Variants in CAMSAP2 observed in about 807,000 individuals in gnomAD.
CAMSAP2 encodes calmodulin regulated spectrin associated protein family member 2, also known as calmodulin-regulated spectrin-associated protein 2.
In CAMSAP2, 26 loss-of-function variants were observed where a neutral mutation model predicts 146.1. The observed-to-expected ratio is 0.18, with a 90% confidence interval of 0.13 to 0.25. The LOEUF is 0.25. CAMSAP2 is among the 10% of genes least tolerant of loss of function. CAMSAP2 has a pLI of 1.00. For missense variants in CAMSAP2, 1,381 were observed against 1,759.3 expected (o/e 0.78, Z 3.85); for synonymous variants, 499 against 596.6 (o/e 0.84, Z 2.38).
At chr1:200,846,726 A>G (rs1667468048) in intron 8 of CAMSAP2, among the ~76,000 whole-genome samples, 1 of 152,214 alleles carries the variant, frequency 6.6e-6, no homozygotes, top group Admixed American at 6.5e-5. Flanking sequence ...AGAAAAAAAC[A>G]AAGGACGAAG....
At chr1:200,747,006 T>C (rs1463592988) in intron 1 of CAMSAP2, among the ~76,000 whole-genome samples, 1 of 152,094 alleles carries the variant, frequency 6.6e-6, no homozygotes, top group Non-Finnish European at 1.5e-5. Context: ...ATTTCTGGGC[T>C]CAGGTGATCC....
At chr1:200,752,418 A>G (rs780999253) in intron 1 of CAMSAP2, among the ~76,000 whole-genome samples, 7 of 152,158 alleles carry the variant, frequency 4.6e-5, no homozygotes, top group Non-Finnish European at 7.3e-5. Context: ...CAGCACTACA[A>G]TTAACACTCT....
chr1:200,807,453 G>A lies in CAMSAP2; in HGVS notation c.477G>A (p.Ala159=), dbSNP rs756962466. 1.5e-5 allele frequency: 24 copies of A among 1,586,328 alleles called. No homozygotes were observed. The highest frequency in any genetic ancestry group is 6.8e-5 in the Admixed American group (4 of 59,048). The change falls in exon 3 of 17, where the codon GCG becomes GCA. Residue 159 remains alanine (A), a synonymous_variant. Transcript: ENST00000358823. The stretch of plus-strand genomic sequence containing the variant: ...TGGTCAGTATAGAAAAAGTAATTGC[G>A]TGTGCTCAGCAGTATTCAGCTTTTT... ...VEMVSIEKVI[A]CAQQYSAFFQ...
Position 200,739,209 on chromosome 1 carries a change from G to C in CAMSAP2, c.-619G>C, listed in dbSNP as rs1664072972. Among the ~76,000 whole-genome samples, 1 of 152,050 alleles carries C rather than the reference G, an allele frequency of 6.6e-6. No homozygotes were observed. ...GCCTGTGAGCCGCAGTGATTTTGAC[G>C]TTTTCCGCTGCTGCGTCTCCGGCGG... On this transcript the variant is annotated 5_prime_UTR_variant, in exon 1 of 17. Transcript: ENST00000358823. This position sits in a 1 kb window ranked among gnomAD's most constrained non-coding sequence, Gnocchi z 4.8.
Position 200,832,202 on chromosome 1 carries a change from T to C in CAMSAP2, c.648T>C (p.Ala216=), listed in dbSNP as rs1363137720. Residue 216 remains alanine, a splice_region_variant and synonymous_variant, in exon 5 of 17, where the codon GCT becomes GCC. Coordinates refer to ENST00000358823, the MANE Select transcript of CAMSAP2 (RefSeq NM_203459.4). This position sits in a 1 kb window ranked among gnomAD's most constrained non-coding sequence, Gnocchi z 4.2. ...HTVEAPGGQK[A]RYRKEQTLLK... is the part of the protein sequence containing the mutation. ...CATGTATTTTTTTTATATCGTAGGC[T>C]CGTTATCGGAAAGAGCAAACATTGC... is the stretch of plus-strand genomic sequence containing the variant. The C allele has an allele frequency of 1.2e-6, 2 of 1,602,152 alleles. No homozygotes were observed. The highest frequency in any genetic ancestry group is 3.5e-5 in the Admixed American group (2 of 57,380).
At chr1:200,773,711 T>C (rs1665184303) in intron 2 of CAMSAP2, among the ~76,000 whole-genome samples, 1 of 151,976 alleles carries the variant, frequency 6.6e-6, no homozygotes, top group African/African-American at 2.4e-5. Context: ...AAACTAATAG[T>C]AGACACACAC....
chr1:200,759,397 A>G (rs1299375415), intron 1 of CAMSAP2, among the ~76,000 whole-genome samples: 2 of 147,000 alleles, frequency 1.4e-5, no homozygotes, highest in African/African-American at 2.5e-5. Flanking sequence ...TACTGTCTCA[A>G]CCTCCCAAGT....
chr1:200,849,841 T>A lies in CAMSAP2; in HGVS notation c.3072T>A (p.Asp1024Glu), dbSNP rs1667568822. The stretch of plus-strand genomic sequence containing the variant: ...CTAGGTCATTTGTATGTTTTGGGGA[T>A]GATGGAGAACCTCAGTTAAAGGAAT... ...IQTRSFVCFGDDGEPQLKESK... is the reference protein window; with the variant it reads ...IQTRSFVCFGEDGEPQLKESK... Residue 1024 changes from aspartate (D) to glutamate (E), a missense_variant, in exon 11 of 17, where the codon GAT (aspartate) becomes GAA (glutamate). By Grantham distance (45) the Asp-to-Glu change is conservative. Around this residue, in one of 4 missense-constraint regions of CAMSAP2, gnomAD observed 560 missense variants for 715.9 expected, o/e 0.78. Coordinates refer to ENST00000358823, the MANE Select transcript of CAMSAP2 (RefSeq NM_203459.4). This position sits in a 1 kb window ranked among gnomAD's most constrained non-coding sequence, Gnocchi z 6.3. 1 of 1,614,020 alleles carries A rather than the reference T, an allele frequency of 6.2e-7. No homozygotes were observed.
rs367664945 is a variant in CAMSAP2 at position 200,826,833 on chromosome 1, G to T, written c.646-5367G>T. Among the ~76,000 whole-genome samples, 43 of 152,012 alleles carry T rather than the reference G, an allele frequency of 2.8e-4. No homozygotes were observed. The East Asian group carries it at 7.9e-3, about 28-fold the overall frequency. On this transcript the variant is annotated intron_variant, in intron 4 of 16. Transcript: ENST00000358823. ...AAGTTTTTTCACCTGTTATCCATGG[G>T]TTTTAAAAAACCCTTTGTTTCTTGC... is the stretch of plus-strand genomic sequence containing the variant.
At chr1:200,745,441 T>C (rs1418352003) in intron 1 of CAMSAP2, among the ~76,000 whole-genome samples, 1 of 152,212 alleles carries the variant, frequency 6.6e-6, no homozygotes, top group African/African-American at 2.4e-5. Flanking sequence ...CATACTGATT[T>C]CACAAATATT....
At chr1:200,746,756 C>T (rs984369446) in intron 1 of CAMSAP2, among the ~76,000 whole-genome samples, 30 of 151,910 alleles carry the variant, frequency 2.0e-4, no homozygotes, top group Non-Finnish European at 3.4e-4. Flanking sequence ...GTAGCTGGGA[C>T]TACAGGAGCC....
intron 4 of CAMSAP2, among the ~76,000 whole-genome samples, chr1:200,817,155 CATACACACACGTGTGTGTAT>C (rs200262113): frequency 0.016 from 1,886 of 114,652 alleles, 32 homozygotes; most frequent in South Asian, 0.044. Context: ...CACATACACA[CATACACACACGTGTGTGTAT>C]ATACACACAC....
chr1:200,809,262 A>G (rs1470740175), intron 3 of CAMSAP2, among the ~76,000 whole-genome samples: 1 of 152,176 alleles, frequency 6.6e-6, no homozygotes, highest in Non-Finnish European at 1.5e-5. Flanking sequence ...GATCGCACTC[A>G]TTGCCTTTCT....
chr1:200,787,886 T>C (rs1462555881), intron 2 of CAMSAP2, among the ~76,000 whole-genome samples: 2 of 152,222 alleles, frequency 1.3e-5, no homozygotes, highest in Non-Finnish European at 2.9e-5. Context: ...CTGTGTTTCA[T>C]TGAAGGCTTG....
intron 4 of CAMSAP2, among the ~76,000 whole-genome samples, chr1:200,826,708 A>G (rs1666915451): frequency 6.6e-6 from 1 of 152,176 alleles, no homozygotes; most frequent in Non-Finnish European, 1.5e-5. Flanking sequence ...TGAGCCAAAC[A>G]TGTATTATAA....
intron 8 of CAMSAP2, among the ~76,000 whole-genome samples, chr1:200,846,556 TC>T (rs1423456188): frequency 2.0e-5 from 3 of 152,224 alleles, no homozygotes; most frequent in Non-Finnish European, 2.9e-5. Context: ...TATTCTGAGT[TC>T]CTAGTCATCC....
intron 4 of CAMSAP2, among the ~76,000 whole-genome samples, chr1:200,821,608 G>T (rs1233444557): frequency 1.3e-5 from 2 of 152,122 alleles, no homozygotes; most frequent in South Asian, 2.1e-4. Context: ...CGATCCACCC[G>T]CCTCGGCCTC....
intron 2 of CAMSAP2, among the ~76,000 whole-genome samples, chr1:200,763,649 A>G (rs1259162985): frequency 6.6e-6 from 1 of 152,190 alleles, no homozygotes; most frequent in East Asian, 1.9e-4. Context: ...TTTACTTTCA[A>G]CTTTTATCAC....
At chr1:200,800,821 T>C (rs1468715665) in intron 2 of CAMSAP2, among the ~76,000 whole-genome samples, 1 of 152,234 alleles carries the variant, frequency 6.6e-6, no homozygotes, top group Admixed American at 6.5e-5. Flanking sequence ...CTATCCACAT[T>C]TAGTGCTTCC....
Sources: gnomAD v4.1 joint callset for allele counts (sites outside exome capture counted in the v4.1 genomes callset) on GRCh38, gnomAD v4.1.1 for gene constraint, gnomAD v4.1.1 regional missense constraint, Gnocchi (gnomAD v3.1) non-coding constraint, MANE v1.5 for transcripts, NCBI Gene and HGNC (gene_info 2026-07-23, HGNC 2026-07-21) for gene names.